Variants in CALN1 observed in about 807,000 individuals in gnomAD.
The protein encoded by CALN1 is calneuron 1, also known as calcium-binding protein 8.
In CALN1, 17 loss-of-function variants were observed where a neutral mutation model predicts 30.6. The ratio of observed to expected loss-of-function variants is 0.56; its 90% CI spans 0.38 to 0.83. The LOEUF is 0.83. Among genes scored for constraint, CALN1 ranks in the 40% least tolerant of loss-of-function variants. The pLI is 0.00. For missense variants in CALN1, 291 were observed against 354.9 expected (o/e 0.82, Z 1.45); for synonymous variants, 156 against 131.4 (o/e 1.19, Z -1.28).
At chr7:72,483,291 T>C in the CALN1 span, among the ~76,000 whole-genome samples, 1 of 145,762 alleles carries the variant, frequency 6.9e-6, no homozygotes, top group Non-Finnish European at 1.5e-5. Flanking sequence ...TTTTTTTTTT[T>C]TTTTTTTTTT....
At chr7:72,368,809 C>CTTTT (rs57192078) in intron 2 of CALN1, among the ~76,000 whole-genome samples, 13 of 101,536 alleles carry the variant, frequency 1.3e-4, no homozygotes, top group African/African-American at 1.8e-4. Context: ...GTTTGAAACC[C>CTTTT]TTTTTTTTTT....
At chr7:72,496,655 G>A in the CALN1 span, among the ~76,000 whole-genome samples, 3 of 152,224 alleles carry the variant, frequency 2.0e-5, no homozygotes, top group South Asian at 2.1e-4. Context: ...TTGGGACACC[G>A]AAATGAGAGG....
chr7:72,188,592 G>A (rs1055352451), intron 3 of CALN1, among the ~76,000 whole-genome samples: 1 of 152,000 alleles, frequency 6.6e-6, no homozygotes, highest in Non-Finnish European at 1.5e-5. Flanking sequence ...ATTACAAATT[G>A]GGTTCAGTGT....
chr7:72,223,213 T>C (rs1176575140), intron 3 of CALN1, among the ~76,000 whole-genome samples: 7 of 152,110 alleles, frequency 4.6e-5, no homozygotes, highest in Admixed American at 4.6e-4. Context: ...GTTCCCATTC[T>C]TCTGACAACA....
chr7:71,923,032 A>T (rs1001113182), intron 5 of CALN1, among the ~76,000 whole-genome samples: 23 of 149,698 alleles, frequency 1.5e-4, no homozygotes, highest in African/African-American at 5.7e-4. Context: ...ACTATTCTAT[A>T]CTATACTATA....
At chr7:72,148,116 AC>A (rs1331181698) in intron 3 of CALN1, among the ~76,000 whole-genome samples, 1 of 148,126 alleles carries the variant, frequency 6.8e-6, no homozygotes, top group African/African-American at 2.5e-5. Flanking sequence ...AAAAAAAACA[AC>A]CAACCAACCA....
At chr7:72,466,697 C>T in the CALN1 span, among the ~76,000 whole-genome samples, 3 of 150,658 alleles carry the variant, frequency 2.0e-5, no homozygotes, top group African/African-American at 4.9e-5. Context: ...GAGCCAAGAT[C>T]GCGCCACTGC....
the CALN1 span, among the ~76,000 whole-genome samples, chr7:72,463,444 G>T: frequency 2.6e-5 from 4 of 152,264 alleles, no homozygotes; most frequent in South Asian, 6.2e-4. Context: ...CACATGGCCT[G>T]GTTTGCATTT....
rs183565395 is a variant in CALN1 at position 72,373,278 on chromosome 7, C to A, written c.119+29973G>T. 1.4e-3 allele frequency among the ~76,000 whole-genome samples: 220 copies of A among 152,222 alleles called. 3 individuals carry two copies. The Middle Eastern group carries it at 0.02, about 14-fold the overall frequency. On this transcript the variant is annotated intron_variant, in intron 2 of 6. Transcript: ENST00000395275. ...AGGGGCCTGTGGAAAAATTCCAATA[C>A]TATTTGTGTAATTACAGTCCCAAAG...
At chr7:71,943,280 T>A (rs1298388498) in intron 5 of CALN1, among the ~76,000 whole-genome samples, 1 of 152,224 alleles carries the variant, frequency 6.6e-6, no homozygotes, top group Non-Finnish European at 1.5e-5. Flanking sequence ...CAGTATATTT[T>A]AAAATATAGA....
At chr7:72,129,011 T>C (rs901478965) in intron 3 of CALN1, among the ~76,000 whole-genome samples, 2 of 152,078 alleles carry the variant, frequency 1.3e-5, no homozygotes, top group Non-Finnish European at 2.9e-5. Flanking sequence ...AATTTATATA[T>C]ATAGCATCAA....
upstream of CALN1, among the ~76,000 whole-genome samples, chr7:72,413,670 C>T (rs965971663): frequency 1.3e-5 from 2 of 151,988 alleles, no homozygotes; most frequent in African/African-American, 4.8e-5. Context: ...TGCACACACT[C>T]ATACACATAT....
At chr7:71,834,669 A>C (rs976168458) in intron 5 of CALN1, among the ~76,000 whole-genome samples, 6 of 152,176 alleles carry the variant, frequency 3.9e-5, no homozygotes, top group African/African-American at 1.4e-4. Flanking sequence ...GCCCTATGCA[A>C]TTTGGAGACC....
intron 5 of CALN1, among the ~76,000 whole-genome samples, chr7:71,912,138 T>C (rs1794455799): frequency 6.6e-6 from 1 of 152,076 alleles, no homozygotes; most frequent in African/African-American, 2.4e-5. Context: ...CGGACCTCAG[T>C]GAACGTTAGT....
intron 3 of CALN1, among the ~76,000 whole-genome samples, chr7:72,124,102 C>T (rs1808575375): frequency 6.6e-6 from 1 of 152,196 alleles, no homozygotes; most frequent in Admixed American, 6.5e-5. Context: ...TGCACACACA[C>T]ACCAATCATT....
intron 2 of CALN1, among the ~76,000 whole-genome samples, chr7:72,387,972 T>C (rs1206216924): frequency 6.6e-6 from 1 of 152,162 alleles, no homozygotes; most frequent in African/African-American, 2.4e-5. Flanking sequence ...CACAGTAAAG[T>C]GACTGTAATT....
chr7:72,426,902 G>T (rs936993468), intron 1 of CALN1, among the ~76,000 whole-genome samples: 1 of 152,168 alleles, frequency 6.6e-6, no homozygotes, highest in Non-Finnish European at 1.5e-5. Flanking sequence ...CTGAGTGGTG[G>T]CATTCTTACC....
At chr7:71,988,655 C>A (rs539822078) in intron 5 of CALN1, among the ~76,000 whole-genome samples, 1 of 152,060 alleles carries the variant, frequency 6.6e-6, no homozygotes, top group Non-Finnish European at 1.5e-5. Flanking sequence ...GAAGTCTCCA[C>A]GTATGAGACG....
intron 3 of CALN1, among the ~76,000 whole-genome samples, chr7:72,271,290 G>A (rs1207286749): frequency 6.6e-6 from 1 of 151,868 alleles, no homozygotes; most frequent in Non-Finnish European, 1.5e-5. Context: ...TCGGGCAGAA[G>A]GCAACAAAAA....
Sources: gnomAD v4.1 joint callset for allele counts (sites outside exome capture counted in the v4.1 genomes callset) on GRCh38, gnomAD v4.1.1 for gene constraint, MANE v1.5 for transcripts, NCBI Gene and HGNC (gene_info 2026-07-23, HGNC 2026-07-21) for gene names.